Variants in CMTM7 observed in about 807,000 individuals in gnomAD.
CMTM7 encodes the protein CKLF like MARVEL transmembrane domain containing 7.
In CMTM7, 7 loss-of-function variants were observed where a neutral mutation model predicts 19.3. The ratio of observed to expected loss-of-function variants is 0.36; its 90% CI spans 0.21 to 0.68. The LOEUF (loss-of-function observed/expected upper bound fraction) is 0.68, where lower values mean the gene tolerates loss of function less well. Among genes scored for constraint, CMTM7 ranks in the 30% least tolerant of loss-of-function variants. CMTM7 has a pLI of 0.60. For synonymous variants in CMTM7, 87 were observed against 99.3 expected, an observed-to-expected ratio of 0.88 and a Z score of 0.74; for missense variants, 193 against 232.6, an observed-to-expected ratio of 0.83 and a Z score of 1.11.
chr3:32,430,486 C>T (rs1364311192), intron 1 of CMTM7, among the ~76,000 whole-genome samples: 1 of 152,170 alleles, frequency 6.6e-6, no homozygotes, highest in East Asian at 1.9e-4. Flanking sequence ...TTCTACATGA[C>T]TTATTGACAT....
intron 1 of CMTM7, among the ~76,000 whole-genome samples, chr3:32,420,066 C>T (rs1034645323): frequency 1.3e-4 from 20 of 152,304 alleles, no homozygotes; most frequent in Middle Eastern, 3.4e-3. Context: ...AATTGATTTG[C>T]GTCACATTAT....
intron 1 of CMTM7, among the ~76,000 whole-genome samples, chr3:32,414,800 G>A (rs535748086): frequency 6.6e-6 from 1 of 152,206 alleles, no homozygotes; most frequent in Non-Finnish European, 1.5e-5. Flanking sequence ...TGCATGCCAG[G>A]AACTGTGCGT....
intron 1 of CMTM7, among the ~76,000 whole-genome samples, chr3:32,434,678 G>A (rs906001466): frequency 1.3e-5 from 2 of 150,182 alleles, no homozygotes; most frequent in Non-Finnish European, 1.5e-5. Flanking sequence ...AAAAAATGAT[G>A]CATAGATTTG....
Position 32,407,690 on chromosome 3 carries a change from C to T in CMTM7, c.159+15625C>T, listed in dbSNP as rs576053518. On this transcript the variant is annotated intron_variant, in intron 1 of 4. Transcript: ENST00000334983. ...TCAGTGTCCCCATTATCAAGCAGTG[C>T]GTCTTGTTTTCTGGCTACCATGTTG... 6.4e-4 allele frequency among the ~76,000 whole-genome samples: 98 copies of T among 152,228 alleles called. No individual in the cohort carries two copies. The South Asian group carries it at 0.018, about 28-fold the overall frequency.
At chr3:32,445,822 G>A (rs1424769674) in intron 2 of CMTM7, among the ~76,000 whole-genome samples, 4 of 152,092 alleles carry the variant, frequency 2.6e-5, no homozygotes, top group Admixed American at 6.5e-5. Context: ...GGCCTGGTTT[G>A]TTTGTATATG....
At chr3:32,442,054 C>G (rs745791201) in intron 2 of CMTM7, 41 bp downstream of exon 2, 2 of 1,585,714 alleles carry the variant, frequency 1.3e-6, no homozygotes, top group East Asian at 2.2e-5. Context: ...ATGCACAAGT[C>G]AGGATGTTAG....
intron 1 of CMTM7, among the ~76,000 whole-genome samples, chr3:32,431,112 A>T (rs7618686): frequency 0.032 from 4,919 of 152,298 alleles, 116 homozygotes; most frequent in Middle Eastern, 0.054. Flanking sequence ...CTTCCTGGGC[A>T]GTGATAAGGG....
At chr3:32,422,256 G>T (rs1369749975) in intron 1 of CMTM7, among the ~76,000 whole-genome samples, 1 of 152,148 alleles carries the variant, frequency 6.6e-6, no homozygotes, top group Non-Finnish European at 1.5e-5. Flanking sequence ...TCTTCCCCAG[G>T]CTGGCACTTA....
At chr3:32,405,887 T>C (rs1241059245) in intron 1 of CMTM7, among the ~76,000 whole-genome samples, 1 of 152,264 alleles carries the variant, frequency 6.6e-6, no homozygotes, top group Non-Finnish European at 1.5e-5. Flanking sequence ...AAACAGTAAC[T>C]ATGGTTGTAC....
chr3:32,438,281 T>C (rs1696627455), intron 1 of CMTM7, among the ~76,000 whole-genome samples: 1 of 152,202 alleles, frequency 6.6e-6, no homozygotes, highest in South Asian at 2.1e-4. Flanking sequence ...ACCTTTGCTT[T>C]CTTTTTTAAC....
intron 1 of CMTM7, among the ~76,000 whole-genome samples, chr3:32,395,018 C>T (rs1426434854): frequency 6.8e-6 from 1 of 146,350 alleles, no homozygotes; most frequent in Admixed American, 6.8e-5. Flanking sequence ...TTTTTTTGAG[C>T]GAGACAGAGA....
intron 1 of CMTM7, among the ~76,000 whole-genome samples, chr3:32,423,658 T>G (rs1289377716): frequency 1.3e-5 from 2 of 152,204 alleles, no homozygotes; most frequent in South Asian, 4.1e-4. Flanking sequence ...TGAGCAGAAC[T>G]GCAGTGATGT....
At chr3:32,392,338 C>T (rs1695849449) in intron 1 of CMTM7, among the ~76,000 whole-genome samples, 1 of 152,240 alleles carries the variant, frequency 6.6e-6, no homozygotes, top group Non-Finnish European at 1.5e-5. Context: ...GGCCACCCCC[C>T]TGCGAAGCCT....
In CMTM7 at chr3:32,434,290, G is replaced by T. The variant is rs549408346; in HGVS notation, c.160-7550G>T. Among the ~76,000 whole-genome samples the T allele has an allele frequency of 2.6e-5, 4 of 152,182 alleles. No homozygotes were observed. The South Asian group carries it at 8.3e-4, about 32-fold the overall frequency. On this transcript the variant is annotated intron_variant, in intron 1 of 4. Transcript: ENST00000334983. ...AAGGAAGCAAATATTTATTTTTAAT[G>T]TAGGGGACTATTTTACTTATTTATG... is the stretch of plus-strand genomic sequence containing the variant.
At chr3:32,410,582 G>A (rs1696156971) in intron 1 of CMTM7, among the ~76,000 whole-genome samples, 1 of 152,146 alleles carries the variant, frequency 6.6e-6, no homozygotes, top group Non-Finnish European at 1.5e-5. Context: ...GGGGCCTGGG[G>A]CACATATCTT....
rs372474802 is a variant in CMTM7 at position 32,442,025 on chromosome 3, G to C, written c.333+12G>C. 17 of 1,613,230 alleles carry C rather than the reference G, an allele frequency of 1.1e-5. 1 individual carries two copies. The highest frequency in any genetic ancestry group is 4.5e-5 in the East Asian group (2 of 44,878). ...GCTGGCCCCTGTCGGTAAGAGAGTG[G>C]TCTGGCCCTGTCCTCCGCATGCACA... On this transcript the variant is annotated intron_variant, in intron 2 of 4. Coordinates refer to ENST00000334983, the MANE Select transcript of CMTM7 (RefSeq NM_138410.4).
At chr3:32,417,397 T>C (rs1002465118) in intron 1 of CMTM7, among the ~76,000 whole-genome samples, 4 of 152,278 alleles carry the variant, frequency 2.6e-5, no homozygotes, top group African/African-American at 9.6e-5. Context: ...ATCACTTGGA[T>C]AATAAAAATA....
chr3:32,432,551 C>T (rs1468900220), intron 1 of CMTM7, among the ~76,000 whole-genome samples: 1 of 152,224 alleles, frequency 6.6e-6, no homozygotes, highest in East Asian at 1.9e-4. Context: ...TGAAGAGGTG[C>T]CTGCTGAGCC....
At position 32,411,038 on chromosome 3, in the gene CMTM7, C is replaced by T. The variant is rs542307679; in HGVS notation, c.159+18973C>T. On this transcript the variant is annotated intron_variant, in intron 1 of 4. Transcript: ENST00000334983. ...GGTGTGGCCCTTTGCCTGGCAGAGG[C>T]GCTACCTTAAGTCACTTCATCAGAT... Among the ~76,000 whole-genome samples the T allele has an allele frequency of 7.2e-5, 11 of 152,322 alleles. No homozygotes were observed. In the South Asian group the frequency reaches 1.0e-3, roughly 14 times the overall value.
Sources: allele counts gnomAD v4.1 joint callset (sites outside exome capture counted in the v4.1 genomes callset), GRCh38; gene constraint gnomAD v4.1.1; transcripts MANE v1.5; gene names NCBI Gene and HGNC (gene_info 2026-07-23, HGNC 2026-07-21).